Variants in OGDH observed in about 807,000 individuals in gnomAD.
OGDH encodes oxoglutarate dehydrogenase, also known as 2-oxoglutarate dehydrogenase complex component E1.
Under a neutral mutation model 116.6 loss-of-function variants are expected in OGDH, and 38 were observed. The ratio of observed to expected loss-of-function variants is 0.33; its 90% confidence interval spans 0.25 to 0.43. The LOEUF (loss-of-function observed/expected upper bound fraction) is 0.43. Ranked by LOEUF, OGDH falls within the 20% of genes least tolerant of loss-of-function variation. The pLI, the probability that OGDH is intolerant of heterozygous loss-of-function variation, is 1.00. For synonymous variants in OGDH, 488 were observed against 533.3 expected (o/e 0.92, Z 1.17); for missense variants, 825 against 1,357.2 (o/e 0.61, Z 6.16).
intron 4 of OGDH, among the ~76,000 whole-genome samples, chr7:44,657,163 C>G (rs963028597): frequency 5.9e-5 from 9 of 152,202 alleles, no homozygotes; most frequent in Admixed American, 2.0e-4. Flanking sequence ...CATCACACCA[C>G]TACACTAAAT....
Position 44,676,438 on chromosome 7 carries a change from C to T in OGDH, c.1206+289C>T, listed in dbSNP as rs1488486588. 8 of 496,132 alleles carry T rather than the reference C, an allele frequency of 1.6e-5. No individual in the cohort carries two copies. The Admixed American group carries it at 2.8e-4, about 17-fold the overall frequency. The allele number at this position is 496,132 out of a possible 1,614,324, so 30.7% of individuals were successfully genotyped here. On this transcript the variant is annotated intron_variant, in intron 9 of 22. Transcript: ENST00000222673. ...GGCGTGGTGGCGCGCGCCTGTAATC[C>T]CAGCTACTCAGGAGGCTGAGGCAGG...
At chr7:44,665,868 G>C (rs1787162560) in intron 4 of OGDH, among the ~76,000 whole-genome samples, 1 of 152,212 alleles carries the variant, frequency 6.6e-6, no homozygotes, top group Admixed American at 6.5e-5. Flanking sequence ...CTTCCTCTTT[G>C]ATACAGCAAG....
At chr7:44,608,683 G>A (rs1243906187) in intron 1 of OGDH, among the ~76,000 whole-genome samples, 1 of 151,774 alleles carries the variant, frequency 6.6e-6, no homozygotes, top group Non-Finnish European at 1.5e-5. Flanking sequence ...ATGGCGCCAC[G>A]GCACTACAGC....
chr7:44,667,703 A>G (rs1314288407), intron 5 of OGDH, among the ~76,000 whole-genome samples: 3 of 152,186 alleles, frequency 2.0e-5, no homozygotes, highest in African/African-American at 7.2e-5. Context: ...TTCTATGCCC[A>G]TTGCAGAGGG....
chr7:44,609,305 C>T (rs571012450), intron 1 of OGDH, among the ~76,000 whole-genome samples: 8 of 132,670 alleles, frequency 6.0e-5, no homozygotes, highest in African/African-American at 2.3e-4. Flanking sequence ...CCCAGGAGTT[C>T]GAGTCTGAGG....
chr7:44,623,594 T>C (rs903755539), intron 1 of OGDH, among the ~76,000 whole-genome samples: 1 of 152,248 alleles, frequency 6.6e-6, no homozygotes, highest in Non-Finnish European at 1.5e-5. Context: ...TATGTAAATT[T>C]AAAGAACATC....
In OGDH at chr7:44,682,362, A is replaced by G. The variant is rs148411173; in HGVS notation, c.1335+514A>G. Among the ~76,000 whole-genome samples, 884 of 151,506 alleles carry G rather than the reference A, an allele frequency of 5.8e-3. 12 individuals carry two copies. The highest frequency in any genetic ancestry group is 0.02 in the African/African-American group (825 of 41,280). ...ATTGCGCCATTGCATTCCAGCCTGGACAACAAGAGCGAAACTCCATTTCAA... is the reference window on the plus strand; with the variant it reads ...ATTGCGCCATTGCATTCCAGCCTGGGCAACAAGAGCGAAACTCCATTTCAA... On this transcript the variant is annotated intron_variant, in intron 10 of 22. Transcript: ENST00000222673.
At chr7:44,696,285 C>A in intron 13 of OGDH, 144 bp from the exon 14 acceptor site, 1 of 1,127,196 alleles carries the variant, frequency 8.9e-7, no homozygotes, top group Non-Finnish European at 1.3e-6. Context: ...TGGACCCAGA[C>A]CCCTGCATTA....
Position 44,694,328 on chromosome 7 carries a change from G to A in OGDH, c.1516-96G>A. Reference sequence around the variant, plus strand: ...GGCAGGCATGAGGAATGAAGAACGTGGCCATCACCTAGGAGAGATGGGGCA... The same window carrying A: ...GGCAGGCATGAGGAATGAAGAACGTAGCCATCACCTAGGAGAGATGGGGCA... On this transcript the variant is annotated intron_variant, in intron 11 of 22. Transcript: ENST00000222673. This position sits in a 1 kb window ranked among gnomAD's most constrained non-coding sequence, Gnocchi z 4.2. 1 of 1,436,146 alleles carries A rather than the reference G, an allele frequency of 7.0e-7. No homozygotes were observed. Among genetic ancestry groups the A allele is most frequent in the Non-Finnish European group, 9.5e-7 (1 of 1,057,416 alleles). The allele number at this position is 1,436,146 out of a possible 1,614,324, so 89.0% of individuals were successfully genotyped here.
intron 10 of OGDH, among the ~76,000 whole-genome samples, chr7:44,682,508 G>C (rs371670313): frequency 6.6e-6 from 1 of 151,648 alleles, no homozygotes; most frequent in African/African-American, 2.4e-5. Flanking sequence ...GACCAGCCTG[G>C]CCAACATGGA....
chr7:44,607,400 TG>T (rs1784395698), intron 1 of OGDH, among the ~76,000 whole-genome samples: 1 of 152,202 alleles, frequency 6.6e-6, no homozygotes, highest in African/African-American at 2.4e-5. Flanking sequence ...CTGACCTGGG[TG>T]CGTCCCACCT....
At chr7:44,637,327 T>C (rs1785714686) in intron 2 of OGDH, among the ~76,000 whole-genome samples, 1 of 152,224 alleles carries the variant, frequency 6.6e-6, no homozygotes, top group Non-Finnish European at 1.5e-5. Context: ...CCATCCCACT[T>C]GTCTTACTCT....
At chr7:44,656,710 T>C (rs1470362376) in intron 4 of OGDH, among the ~76,000 whole-genome samples, 1 of 152,254 alleles carries the variant, frequency 6.6e-6, no homozygotes. Flanking sequence ...CAGCTCTGCA[T>C]GGTGGCTTGT....
chr7:44,693,987 G>T lies in OGDH; in HGVS notation c.1498G>T (p.Asp500Tyr). 1 of 1,612,712 alleles carries T rather than the reference G, an allele frequency of 6.2e-7. No individual in the cohort carries two copies. Among genetic ancestry groups the T allele is most frequent in the Non-Finnish European group, 8.5e-7 (1 of 1,178,788 alleles). ...AAEWRSTFHK[D>Y]VVVDLVCYRR... is the part of the protein sequence containing the mutation. ...CGAGTGGAGGAGCACCTTCCACAAG[G>T]ACGTGGTTGTCGATTTGGTGAGTGA... The change falls in exon 11 of 23, where the codon GAC (aspartate) becomes TAC (tyrosine). Residue 500 changes from aspartate (D) to tyrosine (Y), a missense_variant. By Grantham distance (160) the Asp-to-Tyr change is radical. Around this residue, in one of 7 missense-constraint regions of OGDH, gnomAD observed 146 missense variants for 317.3 expected, o/e 0.46. Coordinates refer to ENST00000222673, the MANE Select transcript of OGDH (RefSeq NM_002541.4).
At chr7:44,612,031 A>G (rs968648508) in intron 1 of OGDH, among the ~76,000 whole-genome samples, 4 of 152,140 alleles carry the variant, frequency 2.6e-5, no homozygotes, top group African/African-American at 9.7e-5. Context: ...TTAACTCGTC[A>G]TTTACATTAG....
At chr7:44,677,577 G>A (rs994045908) in intron 9 of OGDH, among the ~76,000 whole-genome samples, 1 of 152,080 alleles carries the variant, frequency 6.6e-6, no homozygotes, top group African/African-American at 2.4e-5. Flanking sequence ...TGTTAGAAGT[G>A]GAACCAATTG....
At chr7:44,650,912 G>A (rs761279613) in intron 4 of OGDH, among the ~76,000 whole-genome samples, 5 of 152,142 alleles carry the variant, frequency 3.3e-5, no homozygotes, top group African/African-American at 9.7e-5. Context: ...CCATGCCTCC[G>A]CTTAGCCGCC....
At chr7:44,689,466 T>C (rs1017043098) in intron 10 of OGDH, among the ~76,000 whole-genome samples, 1 of 148,424 alleles carries the variant, frequency 6.7e-6, no homozygotes, top group African/African-American at 2.5e-5. Flanking sequence ...CTTGAACTCT[T>C]GACCTCAAGT....
chr7:44,649,695 G>C (rs1202036987), intron 4 of OGDH, among the ~76,000 whole-genome samples: 1 of 152,068 alleles, frequency 6.6e-6, no homozygotes, highest in Non-Finnish European at 1.5e-5. Context: ...ATATCAAGAG[G>C]GGCCACACCT....
Sources: allele counts gnomAD v4.1 joint callset (sites outside exome capture counted in the v4.1 genomes callset), GRCh38; gene constraint gnomAD v4.1.1; regional missense constraint gnomAD v4.1.1; non-coding constraint Gnocchi (gnomAD v3.1); transcripts MANE v1.5; gene names NCBI Gene and HGNC (gene_info 2026-07-23, HGNC 2026-07-21).